CNTN6: variants seen among roughly 807,000 people sequenced by gnomAD.
CNTN6 encodes the protein contactin 6, also known as contactin-6.
In CNTN6, 137 loss-of-function variants were observed where a neutral mutation model predicts 122.8. The ratio of observed to expected loss-of-function variants is 1.12; its 90% CI spans 0.97 to 1.29. The LOEUF (loss-of-function observed/expected upper bound fraction) is 1.29. CNTN6 is among the 50% of genes most tolerant of loss of function. The pLI is 0.00. For synonymous variants in CNTN6, 570 were observed against 426.0 expected (o/e 1.34, Z -4.16); for missense variants, 1,634 against 1,223.4 (o/e 1.34, Z -5.01).
intron 8 of CNTN6, 42 bp downstream of exon 8, chr3:1,321,876 A>T (rs1389793514): frequency 2.1e-6 from 3 of 1,463,022 alleles, no homozygotes; most frequent in Non-Finnish European, 2.8e-6. Context: ...ATATTTGGTA[A>T]TGCCCTTCAT....
intron 11 of CNTN6, among the ~76,000 whole-genome samples, chr3:1,340,878 C>T (rs568770576): frequency 9.2e-5 from 14 of 152,234 alleles, no homozygotes; most frequent in Middle Eastern, 6.8e-3. Flanking sequence ...AGCGTTCCAG[C>T]CCTGTTCTCT....
In CNTN6 at chr3:1,321,733, T is replaced by G. The variant is rs1559816756; in HGVS notation, c.845T>G (p.Leu282Arg). Residue 282 changes from leucine (L) to arginine (R), a missense_variant, in exon 8 of 23, where the codon CTT becomes CGT. Transcript: ENST00000446702. ...AAGTACAGCAAATCCCAAGCTATCC[T>G]TGAAATCCCGAACTTCCAACAAGAA... ...KVKYSKSQAI[L>R]EIPNFQQEDE... is the part of the protein sequence containing the mutation. The G allele has an allele frequency of 5.0e-6, 8 of 1,611,912 alleles. No individual in the cohort carries two copies. Among genetic ancestry groups the G allele is most frequent in the Non-Finnish European group, 6.8e-6 (8 of 1,178,654 alleles).
chr3:1,233,595 T>TG (rs2094382315), intron 4 of CNTN6, among the ~76,000 whole-genome samples: 1 of 151,032 alleles, frequency 6.6e-6, no homozygotes, highest in Non-Finnish European at 1.5e-5. Flanking sequence ...ATTAGCCGGG[T>TG]GTGGTGGTGT....
chr3:1,242,736 G>T (rs1248584296), intron 4 of CNTN6, among the ~76,000 whole-genome samples: 2 of 152,104 alleles, frequency 1.3e-5, no homozygotes, highest in Non-Finnish European at 2.9e-5. Context: ...TGTAATCCAG[G>T]AATAGTCAGG....
intron 4 of CNTN6, among the ~76,000 whole-genome samples, chr3:1,267,811 C>A (rs1263929724): frequency 6.6e-6 from 1 of 152,062 alleles, no homozygotes; most frequent in Non-Finnish European, 1.5e-5. Context: ...ACTTTAGTGT[C>A]TGCAATGGCA....
intron 4 of CNTN6, among the ~76,000 whole-genome samples, chr3:1,247,230 G>A (rs2094595045): frequency 6.6e-6 from 1 of 151,284 alleles, no homozygotes; most frequent in Non-Finnish European, 1.5e-5. Context: ...TTTTCTATAG[G>A]GATCCAATTG....
intron 20 of CNTN6, among the ~76,000 whole-genome samples, chr3:1,394,001 A>C (rs886097533): frequency 6.6e-6 from 1 of 151,978 alleles, no homozygotes; most frequent in Non-Finnish European, 1.5e-5. Context: ...GCTATTCTTA[A>C]GCACTGGGTG....
chr3:1,299,094 C>A (rs193246674), intron 7 of CNTN6, among the ~76,000 whole-genome samples: 71 of 152,200 alleles, frequency 4.7e-4, no homozygotes, highest in African/African-American at 1.7e-3. Flanking sequence ...TCAGAATAGT[C>A]ATTTCTCATG....
chr3:1,215,837 A>AT (rs149459522), intron 2 of CNTN6, among the ~76,000 whole-genome samples: 10,527 of 151,898 alleles, frequency 0.069, 453 homozygotes, highest in Non-Finnish European at 0.1. Context: ...TCTGGGAACA[A>AT]TTTTTTTTCT....
intron 2 of CNTN6, among the ~76,000 whole-genome samples, chr3:1,199,695 G>A (rs1315601264): frequency 6.6e-6 from 1 of 152,126 alleles, no homozygotes; most frequent in Non-Finnish European, 1.5e-5. Context: ...CAGACGGGAG[G>A]AGATAAGAAG....
rs113976767 is a variant in CNTN6 at position 1,375,458 on chromosome 3, G to C, written c.2095+1385G>C. On this transcript the variant is annotated intron_variant, in intron 16 of 22. Coordinates refer to ENST00000446702, the MANE Select transcript of CNTN6 (RefSeq NM_001289080.2). ...AGACTAACAACTTGTTCTCAATATG[G>C]TTTTAGGCTTAAGTACAATTAATTT... 4.6e-3 allele frequency among the ~76,000 whole-genome samples: 702 copies of C among 152,132 alleles called. 10 individuals are homozygous for C. The highest frequency in any genetic ancestry group is 0.016 in the African/African-American group (652 of 41,538).
At chr3:1,379,981 G>A (rs1710426165) in intron 17 of CNTN6, among the ~76,000 whole-genome samples, 1 of 152,126 alleles carries the variant, frequency 6.6e-6, no homozygotes, top group Non-Finnish European at 1.5e-5. Flanking sequence ...AAATGGATGA[G>A]AAAAGGTCTG....
At chr3:1,177,577 G>A (rs2093474138) in intron 2 of CNTN6, among the ~76,000 whole-genome samples, 1 of 152,040 alleles carries the variant, frequency 6.6e-6, no homozygotes, top group Non-Finnish European at 1.5e-5. Flanking sequence ...CAGCTCTGCT[G>A]ACAATGTAAT....
At chr3:1,118,062 C>T (rs2091798755) in intron 1 of CNTN6, among the ~76,000 whole-genome samples, 1 of 152,134 alleles carries the variant, frequency 6.6e-6, no homozygotes, top group Non-Finnish European at 1.5e-5. Context: ...TAAACAAATA[C>T]CTATGCCATG....
chr3:1,333,985 T>A (rs1047325569), intron 11 of CNTN6, among the ~76,000 whole-genome samples: 5 of 152,140 alleles, frequency 3.3e-5, no homozygotes, highest in Admixed American at 3.3e-4. Context: ...AAGTTACATT[T>A]CTCAATACAG....
At chr3:1,098,665 T>G (rs2090666867) in intron 1 of CNTN6, among the ~76,000 whole-genome samples, 1 of 150,928 alleles carries the variant, frequency 6.6e-6, no homozygotes, top group East Asian at 1.9e-4. Flanking sequence ...CTGACTCCAT[T>G]TTTTTAAAGA....
intron 1 of CNTN6, among the ~76,000 whole-genome samples, chr3:1,144,723 T>C (rs551111723): frequency 4.8e-4 from 68 of 142,520 alleles, no homozygotes; most frequent in African/African-American, 1.3e-3. Flanking sequence ...GTAAGATGTT[T>C]CATGATTCTA....
At chr3:1,292,056 G>A (rs1420710731) in intron 5 of CNTN6, among the ~76,000 whole-genome samples, 1 of 152,048 alleles carries the variant, frequency 6.6e-6, no homozygotes, top group African/African-American at 2.4e-5. Flanking sequence ...ATCCCGAGTA[G>A]TGTTCATCCA....
chr3:1,277,527 A>C (rs1453541454), intron 4 of CNTN6, among the ~76,000 whole-genome samples: 1 of 151,500 alleles, frequency 6.6e-6, no homozygotes, highest in Non-Finnish European at 1.5e-5. Context: ...TGCCTGGCTA[A>C]TTTTTGTAAT....
Sources: allele counts gnomAD v4.1 joint callset (sites outside exome capture counted in the v4.1 genomes callset), GRCh38; gene constraint gnomAD v4.1.1; transcripts MANE v1.5; gene names NCBI Gene and HGNC (gene_info 2026-07-23, HGNC 2026-07-21).